The following TGFBR3 variants were observed in gnomAD, a reference collection of about 807,000 sequenced individuals.
The protein encoded by TGFBR3 is transforming growth factor beta receptor 3.
A neutral mutation model predicts 87.9 loss-of-function variants in TGFBR3; 46 were observed. The ratio of observed to expected loss-of-function variants is 0.52; its 90% CI spans 0.41 to 0.67. TGFBR3 has a LOEUF of 0.67. Ranked by LOEUF, TGFBR3 falls within the 30% of genes least tolerant of loss-of-function variation. The probability of loss-of-function intolerance (pLI) is 0.00; values close to 1 mark genes in which losing one functional copy is unlikely to be tolerated. For synonymous variants in TGFBR3, 381 were observed against 391.6 expected (o/e 0.97, Z 0.32); for missense variants, 866 against 1,041.9 (o/e 0.83, Z 2.32).
chr1:91,853,501 T>C (rs1294934902), intron 2 of TGFBR3, among the ~76,000 whole-genome samples: 1 of 152,090 alleles, frequency 6.6e-6, no homozygotes, highest in Admixed American at 6.6e-5. Flanking sequence ...TTAACTCACA[T>C]CCAAGATTTC....
chr1:91,860,466 GA>G (rs893870015), intron 2 of TGFBR3, among the ~76,000 whole-genome samples: 8 of 152,042 alleles, frequency 5.3e-5, no homozygotes, highest in African/African-American at 1.9e-4. Context: ...TTACAGAATA[GA>G]CACAATGGAA....
rs199525985 is a variant in TGFBR3, at chr1:91,716,676, A to C, written c.1599T>G (p.Ser533Arg). 4.8e-5 allele frequency: 77 copies of C among 1,614,090 alleles called. No individual in the cohort carries two copies. The highest frequency in any genetic ancestry group is 6.3e-5 in the Non-Finnish European group (74 of 1,180,008). The change falls in exon 11 of 17, where the codon AGT (serine) becomes AGG (arginine). Residue 533 changes from serine (S) to arginine (R), a missense_variant. By Grantham distance (110) the Ser-to-Arg change is moderately radical. Transcript: ENST00000212355. ...CTTCATAACCATCTGGCCAACCACT[A>C]CTGTCCCCAAGGGCTGGAACCTGTA... is the stretch of plus-strand genomic sequence containing the variant. ...IVIQVPALGD[S>R]SGWPDGYEDL...
chr1:91,738,498 G>A (rs908685134), intron 4 of TGFBR3, among the ~76,000 whole-genome samples: 1 of 152,078 alleles, frequency 6.6e-6, no homozygotes, highest in African/African-American at 2.4e-5. Context: ...TTAAAAGTGT[G>A]TGGCACCTCC....
chr1:91,708,943 C>T (rs1187673790), intron 13 of TGFBR3, among the ~76,000 whole-genome samples, 160 bp from the exon 14 acceptor site: 2 of 152,182 alleles, frequency 1.3e-5, no homozygotes, highest in African/African-American at 4.8e-5. Flanking sequence ...CACCAAATAA[C>T]CTGGGAGATA....
chr1:91,845,775 G>A (rs1359614341), intron 2 of TGFBR3, among the ~76,000 whole-genome samples: 1 of 152,014 alleles, frequency 6.6e-6, no homozygotes, highest in African/African-American at 2.4e-5. Flanking sequence ...ACTTTTTGCT[G>A]ACCTGGGCCA....
chr1:91,769,501 G>A (rs1674300452), intron 3 of TGFBR3, among the ~76,000 whole-genome samples: 1 of 151,948 alleles, frequency 6.6e-6, no homozygotes, highest in African/African-American at 2.4e-5. Context: ...CACTTCCTGA[G>A]TCACGCTCCC....
intron 2 of TGFBR3, among the ~76,000 whole-genome samples, chr1:91,801,634 T>G (rs1259391092): frequency 6.6e-6 from 1 of 152,182 alleles, no homozygotes; most frequent in African/African-American, 2.4e-5. Flanking sequence ...TATTGCAAAA[T>G]GCTAATTGTG....
At chr1:91,807,288 G>T (rs1675868459) in intron 2 of TGFBR3, among the ~76,000 whole-genome samples, 1 of 152,156 alleles carries the variant, frequency 6.6e-6, no homozygotes, top group African/African-American at 2.4e-5. Flanking sequence ...CCTAAAACTT[G>T]TAATTTGGAT....
chr1:91,873,717 C>T (rs1465538788), intron 1 of TGFBR3, among the ~76,000 whole-genome samples: 1 of 152,100 alleles, frequency 6.6e-6, no homozygotes, highest in African/African-American at 2.4e-5. Context: ...GAGGCCAAGG[C>T]GGGTGGATCA....
intron 2 of TGFBR3, among the ~76,000 whole-genome samples, chr1:91,856,080 T>G (rs1437880984): frequency 6.6e-6 from 1 of 152,054 alleles, no homozygotes; most frequent in Non-Finnish European, 1.5e-5. Flanking sequence ...TTTTGTTTTT[T>G]GAGACGGAGT....
At chr1:91,843,432 C>A (rs917219998) in intron 2 of TGFBR3, among the ~76,000 whole-genome samples, 6 of 152,206 alleles carry the variant, frequency 3.9e-5, no homozygotes, top group African/African-American at 1.2e-4. Flanking sequence ...TGATCACAGA[C>A]TTACAGCCTC....
At chr1:91,879,717 AT>A (rs1470423129) in intron 1 of TGFBR3, among the ~76,000 whole-genome samples, 4 of 152,204 alleles carry the variant, frequency 2.6e-5, no homozygotes, top group Admixed American at 1.3e-4. Context: ...ATGCTTGGAA[AT>A]TTGTGCTGAT....
At chr1:91,683,912 C>CAG in intron 16 of TGFBR3, 55 bp from the exon 17 acceptor site, 1 of 1,457,972 alleles carries the variant, frequency 6.9e-7, no homozygotes, top group Middle Eastern at 1.7e-4. Flanking sequence ...TATGTATGTG[C>CAG]ATTCCTGAAA....
rs1451805024 is a variant in TGFBR3 at position 91,680,549 on chromosome 1, G to A, written c.*3190C>T. ...TGATGAAAACCAGCAACAAAATCAGGCTCATTCAGGAAAAACCAGAAGAGA... is the reference window on the plus strand; with the variant it reads ...TGATGAAAACCAGCAACAAAATCAGACTCATTCAGGAAAAACCAGAAGAGA... On this transcript the variant is annotated 3_prime_UTR_variant, in exon 17 of 17. Coordinates refer to ENST00000212355, the MANE Select transcript of TGFBR3 (RefSeq NM_003243.5). 6.6e-6 allele frequency: 3 copies of A among 453,858 alleles called. No homozygotes were observed. Among genetic ancestry groups the A allele is most frequent in the African/African-American group, 2.0e-5 (1 of 49,958 alleles). 28.1% of individuals were successfully genotyped at this position (453,858 alleles called of 1,614,324 possible). A position where few individuals can be genotyped will look rare whatever the true frequency, so the allele number is the denominator to read the frequency against.
chr1:91,752,189 A>T (rs1673566864), intron 4 of TGFBR3, among the ~76,000 whole-genome samples: 2 of 152,212 alleles, frequency 1.3e-5, no homozygotes, highest in African/African-American at 4.8e-5. Context: ...ACCCAGTTAA[A>T]GTTGAATTTC....
chr1:91,852,365 T>G (rs917732695), intron 2 of TGFBR3, among the ~76,000 whole-genome samples: 28 of 152,220 alleles, frequency 1.8e-4, no homozygotes, highest in Middle Eastern at 3.2e-3. Flanking sequence ...TCTCAACTAC[T>G]GCCTCAACTC....
intron 4 of TGFBR3, 150 bp from the exon 5 acceptor site, chr1:91,735,109 A>G: frequency 1.1e-6 from 1 of 941,018 alleles, no homozygotes; most frequent in Non-Finnish European, 1.6e-6. Context: ...CAGCGGATTC[A>G]AGGAATAATC....
chr1:91,768,426 C>T (rs189628843), intron 3 of TGFBR3, among the ~76,000 whole-genome samples: 211 of 152,226 alleles, frequency 1.4e-3, no homozygotes, highest in Non-Finnish European at 1.5e-3. Flanking sequence ...TATTTGGTAA[C>T]GAATGAATGA....
chr1:91,845,348 G>T (rs998866980), intron 2 of TGFBR3, among the ~76,000 whole-genome samples: 1 of 152,212 alleles, frequency 6.6e-6, no homozygotes, highest in African/African-American at 2.4e-5. Flanking sequence ...GCAGGGCCAG[G>T]CTCAGGAACT....
Sources: gnomAD v4.1 joint callset for allele counts (sites outside exome capture counted in the v4.1 genomes callset) on GRCh38, gnomAD v4.1.1 for gene constraint, MANE v1.5 for transcripts, NCBI Gene and HGNC (gene_info 2026-07-23, HGNC 2026-07-21) for gene names.